The following DDC variants were observed in gnomAD, a reference collection of about 807,000 sequenced individuals.
DDC encodes dopa decarboxylase.
Under a neutral mutation model 60.0 loss-of-function variants are expected in DDC, and 43 were observed. That is an observed-to-expected ratio of 0.72 (90% CI 0.56 to 0.92). The LOEUF (loss-of-function observed/expected upper bound fraction) is 0.92, where lower values mean the gene tolerates loss of function less well. DDC is among the 40% of genes least tolerant of loss of function. The pLI, the probability that DDC is intolerant of heterozygous loss-of-function variation, is 0.00. For synonymous variants in DDC, 232 were observed against 234.6 expected (o/e 0.99, Z 0.10); for missense variants, 573 against 620.2 (o/e 0.92, Z 0.81).
In DDC at chr7:50,503,953, G is replaced by C. The variant is rs765938016; in HGVS notation, c.781+40C>G. 11 of 1,429,006 alleles carry C rather than the reference G, an allele frequency of 7.7e-6. No homozygotes were observed. In the South Asian group the frequency reaches 1.1e-4, roughly 15 times the overall value. The allele number at this position is 1,429,006 out of a possible 1,614,324, so 88.5% of individuals were successfully genotyped here. The stretch of plus-strand genomic sequence containing the variant: ...AGGTTTGCTAAATTCCCCGTGTACA[G>C]AGAACATTTTCCAAAAAGAAAATGG... On this transcript the variant is annotated intron_variant, in intron 7 of 14. Transcript: ENST00000444124.
At chr7:50,513,946 C>T (rs1270787775) in intron 6 of DDC, among the ~76,000 whole-genome samples, 3 of 152,132 alleles carry the variant, frequency 2.0e-5, no homozygotes, top group African/African-American at 7.2e-5. Flanking sequence ...CCCTGCCCAC[C>T]ACTGGGCCCT....
intron 1 of DDC, among the ~76,000 whole-genome samples, chr7:50,555,531 C>A (rs879703766): frequency 6.6e-6 from 1 of 152,122 alleles, no homozygotes; most frequent in Non-Finnish European, 1.5e-5. Flanking sequence ...AAAGCCAGGG[C>A]ACCACACACA....
intron 11 of DDC, among the ~76,000 whole-genome samples, chr7:50,472,258 C>T (rs564192786): frequency 5.3e-5 from 8 of 152,156 alleles, no homozygotes; most frequent in South Asian, 2.1e-4. Flanking sequence ...CTTGGCATGG[C>T]GCGGCCAGCC....
intron 9 of DDC, among the ~76,000 whole-genome samples, chr7:50,490,690 A>G (rs1397810237): frequency 6.6e-6 from 1 of 151,980 alleles, no homozygotes; most frequent in Non-Finnish European, 1.5e-5. Flanking sequence ...CTCTGTCTCA[A>G]CAACAACAAC....
intron 1 of DDC, among the ~76,000 whole-genome samples, chr7:50,549,525 G>C (rs983050176): frequency 1.1e-4 from 16 of 152,010 alleles, no homozygotes; most frequent in Non-Finnish European, 1.9e-4. Flanking sequence ...GTGGTGGCGG[G>C]CTCCTGTAGT....
intron 13 of DDC, among the ~76,000 whole-genome samples, chr7:50,466,561 T>C (rs542166793): frequency 6.6e-6 from 1 of 151,242 alleles, no homozygotes; most frequent in African/African-American, 2.4e-5. Flanking sequence ...TGGCTCTGTG[T>C]ACACAAGGGA....
At chr7:50,548,141 C>T (rs1197075469) in intron 1 of DDC, among the ~76,000 whole-genome samples, 5 of 152,208 alleles carry the variant, frequency 3.3e-5, no homozygotes, top group Admixed American at 3.3e-4. Context: ...ACCACTGACC[C>T]ATTATTCGCC....
chr7:50,555,083 C>T (rs1563053152), intron 1 of DDC, among the ~76,000 whole-genome samples: 1 of 152,146 alleles, frequency 6.6e-6, no homozygotes, highest in Non-Finnish European at 1.5e-5. Context: ...CTCCTGGAAC[C>T]AGGATCCAGG....
intron 9 of DDC, among the ~76,000 whole-genome samples, chr7:50,482,553 G>A (rs1222447368): frequency 6.6e-6 from 1 of 152,118 alleles, no homozygotes; most frequent in Non-Finnish European, 1.5e-5. Context: ...GATATTTAAG[G>A]AGGCAACTTC....
intron 14 of DDC, among the ~76,000 whole-genome samples, chr7:50,459,909 C>T (rs1340175687): frequency 3.5e-5 from 5 of 141,794 alleles, no homozygotes; most frequent in South Asian, 2.2e-4. Context: ...CCCGGCCAGC[C>T]GCCCCATCCA....
chr7:50,481,843 G>T (rs1165434599), intron 9 of DDC, among the ~76,000 whole-genome samples: 3 of 152,094 alleles, frequency 2.0e-5, no homozygotes, highest in African/African-American at 7.2e-5. Flanking sequence ...ATAATTCCAT[G>T]CATGTTTCTA....
chr7:50,492,675 T>C, intron 9 of DDC: 1 of 1,043,592 alleles, frequency 9.6e-7, no homozygotes, highest in Non-Finnish European at 1.2e-6. Context: ...TAATTCCTTC[T>C]ACAAGGAAAT....
At chr7:50,502,683 C>T (rs1431015877) in intron 7 of DDC, among the ~76,000 whole-genome samples, 3 of 152,194 alleles carry the variant, frequency 2.0e-5, no homozygotes, top group Admixed American at 6.5e-5. Context: ...AGCATAAACC[C>T]TGTGAGAGCG....
At chr7:50,497,611 A>T (rs551945086) in intron 8 of DDC, among the ~76,000 whole-genome samples, 1 of 152,312 alleles carries the variant, frequency 6.6e-6, no homozygotes. Flanking sequence ...TTCGTTTCCC[A>T]GCACCAAACA....
rs538163977 is a variant in DDC at position 50,467,607 on chromosome 7, G to A, written c.1141-292C>T. On this transcript the variant is annotated intron_variant, in intron 12 of 14. Coordinates refer to ENST00000444124, the MANE Select transcript of DDC (RefSeq NM_001082971.2). ...CTTTTATAATGTTAGAATAAACACCGTGAGGAGGTATTTGATCATTCTGGA... is the reference window on the plus strand; with the variant it reads ...CTTTTATAATGTTAGAATAAACACCATGAGGAGGTATTTGATCATTCTGGA... Among the ~76,000 whole-genome samples the A allele has an allele frequency of 3.3e-5, 5 of 152,314 alleles. No homozygotes were observed. The East Asian group carries it at 7.7e-4, about 23-fold the overall frequency.
Position 50,529,094 on chromosome 7 carries a change from C to T in DDC, c.570+114G>A, listed in dbSNP as rs1053471246. On this transcript the variant is annotated intron_variant, in intron 5 of 14. Coordinates refer to ENST00000444124, the MANE Select transcript of DDC (RefSeq NM_001082971.2). ...TAGTTCAGGTCTCTATTTAGTGATA[C>T]CTGAGGAACTGTTCTTAGATTTGGA... 9 of 1,398,374 alleles carry T rather than the reference C, an allele frequency of 6.4e-6. No individual in the cohort carries two copies. The African/African-American group carries it at 1.1e-4, about 18-fold the overall frequency. 86.6% of individuals were successfully genotyped at this position (1,398,374 alleles called of 1,614,324 possible). A position where few individuals can be genotyped will look rare whatever the true frequency, so the allele number is the denominator to read the frequency against.
At chr7:50,558,603 C>T (rs1360583287) in intron 1 of DDC, among the ~76,000 whole-genome samples, 1 of 152,222 alleles carries the variant, frequency 6.6e-6, no homozygotes, top group East Asian at 1.9e-4. Flanking sequence ...ACTGAACACG[C>T]TCACAACACT....
At chr7:50,559,450 CAG>C (rs1189589469) in intron 1 of DDC, among the ~76,000 whole-genome samples, 1 of 143,904 alleles carries the variant, frequency 6.9e-6, no homozygotes, top group East Asian at 2.1e-4. Flanking sequence ...TTTTTGGAGA[CAG>C]AGTCTCGCTC....
In DDC at chr7:50,515,510, A is replaced by G. The variant is rs967987708; in HGVS notation, c.715-11451T>C. Among the ~76,000 whole-genome samples, 4 of 152,212 alleles carry G rather than the reference A, an allele frequency of 2.6e-5. No individual in the cohort carries two copies. In the South Asian group the frequency reaches 8.3e-4, roughly 32 times the overall value. On this transcript the variant is annotated intron_variant, in intron 6 of 14. Coordinates refer to ENST00000444124, the MANE Select transcript of DDC (RefSeq NM_001082971.2). ...AAGCAAAAATACAAGTTAAAAAGCA[A>G]AAACAAAAAACAAACAAACAAAAAA... is the stretch of plus-strand genomic sequence containing the variant.
Sources: gnomAD v4.1 joint callset for allele counts (sites outside exome capture counted in the v4.1 genomes callset) on GRCh38, gnomAD v4.1.1 for gene constraint, MANE v1.5 for transcripts, NCBI Gene and HGNC (gene_info 2026-07-23, HGNC 2026-07-21) for gene names.